IGF2BP2: variants seen among roughly 807,000 people sequenced by gnomAD.
IGF2BP2 encodes the protein insulin like growth factor 2 mRNA binding protein 2.
A neutral mutation model predicts 75.8 loss-of-function variants in IGF2BP2; 17 were observed. The observed-to-expected ratio is 0.22, with a 90% CI of 0.15 to 0.34. The LOEUF is 0.34. IGF2BP2 is among the 10% of genes least tolerant of loss of function. The probability of loss-of-function intolerance (pLI) is 1.00; values close to 1 mark genes in which losing one functional copy is unlikely to be tolerated. For missense variants in IGF2BP2, 516 were observed against 772.4 expected (o/e 0.67, Z 3.93); for synonymous variants, 288 against 295.6 (o/e 0.97, Z 0.26).
chr3:185,779,002 C>G (rs1241220458), intron 2 of IGF2BP2, among the ~76,000 whole-genome samples: 5 of 151,816 alleles, frequency 3.3e-5, no homozygotes, highest in Non-Finnish European at 4.4e-5. Context: ...GTATGCCGCT[C>G]TATGGCATCC....
rs149393159 is a variant in IGF2BP2 at position 185,702,844 on chromosome 3, A to G, written c.240-4497T>C. Among the ~76,000 whole-genome samples the G allele has an allele frequency of 3.3e-4, 50 of 152,290 alleles. 1 individual carries two copies. Among genetic ancestry groups the G allele is most frequent in the African/African-American group, 1.2e-3 (48 of 41,566 alleles). ...TTCAACTCCCTCAGCTCACCCTCAA[A>G]CAGAAGTAAAAAGAGCAGCAGGAAC... On this transcript the variant is annotated intron_variant, in intron 2 of 15. Coordinates refer to ENST00000382199, the MANE Select transcript of IGF2BP2 (RefSeq NM_006548.6).
rs1737666521 is a variant in IGF2BP2, at chr3:185,797,993, G to A, written c.239+25160C>T. 2.6e-5 allele frequency among the ~76,000 whole-genome samples: 4 copies of A among 151,852 alleles called. No individual in the cohort carries two copies. In the South Asian group the frequency reaches 8.4e-4, roughly 32 times the overall value. ...GAGGCAGGTGGATCACCTGAGGTCA[G>A]GAGTTCGAGACCAGCCTGGCCAACA... On this transcript the variant is annotated intron_variant, in intron 2 of 15. Transcript: ENST00000382199.
At chr3:185,750,268 T>G (rs1730793783) in intron 2 of IGF2BP2, among the ~76,000 whole-genome samples, 1 of 152,198 alleles carries the variant, frequency 6.6e-6, no homozygotes, top group Non-Finnish European at 1.5e-5. Context: ...AAAGCCGCAT[T>G]GTGAAAGGAT....
At chr3:185,808,584 C>T (rs1017729206) in intron 2 of IGF2BP2, among the ~76,000 whole-genome samples, 4 of 151,986 alleles carry the variant, frequency 2.6e-5, no homozygotes, top group African/African-American at 4.8e-5. Flanking sequence ...CAGGGTCTCT[C>T]TCTCTCTCTC....
intron 2 of IGF2BP2, among the ~76,000 whole-genome samples, chr3:185,731,906 C>G (rs926636205): frequency 6.6e-6 from 1 of 151,828 alleles, no homozygotes; most frequent in Non-Finnish European, 1.5e-5. Flanking sequence ...GGCGTGAATC[C>G]GGGAGGCAGA....
chr3:185,741,006 A>G (rs1729478361), intron 2 of IGF2BP2, among the ~76,000 whole-genome samples: 1 of 152,166 alleles, frequency 6.6e-6, no homozygotes, highest in Non-Finnish European at 1.5e-5. Context: ...CCTCCTGAGT[A>G]GCTGGGATTA....
At chr3:185,819,277 AAC>A (rs1437621516) in intron 2 of IGF2BP2, among the ~76,000 whole-genome samples, 1 of 152,146 alleles carries the variant, frequency 6.6e-6, no homozygotes, top group Non-Finnish European at 1.5e-5. Flanking sequence ...TTAGCCATTA[AAC>A]AGTTTTATAA....
chr3:185,686,663 ACACT>A (rs1490883646), intron 7 of IGF2BP2, among the ~76,000 whole-genome samples: 2 of 152,110 alleles, frequency 1.3e-5, no homozygotes, highest in Non-Finnish European at 2.9e-5. Flanking sequence ...AAAAAATAAA[ACACT>A]CAGTTCTTCC....
At chr3:185,809,970 T>C (rs1739580491) in intron 2 of IGF2BP2, among the ~76,000 whole-genome samples, 1 of 152,224 alleles carries the variant, frequency 6.6e-6, no homozygotes, top group Non-Finnish European at 1.5e-5. Flanking sequence ...TAGAGTTGGC[T>C]ATTTTTGCAG....
chr3:185,714,572 T>C (rs912963683), intron 2 of IGF2BP2, among the ~76,000 whole-genome samples: 1 of 152,220 alleles, frequency 6.6e-6, no homozygotes, highest in Non-Finnish European at 1.5e-5. Flanking sequence ...TATCAAACTT[T>C]TGATTTCTGC....
At chr3:185,760,348 T>C (rs894995950) in intron 2 of IGF2BP2, among the ~76,000 whole-genome samples, 1 of 152,190 alleles carries the variant, frequency 6.6e-6, no homozygotes, top group African/African-American at 2.4e-5. Context: ...TATGTTACTC[T>C]CTTTTGTAAT....
intron 2 of IGF2BP2, among the ~76,000 whole-genome samples, chr3:185,734,517 T>G (rs1728603210): frequency 6.6e-6 from 1 of 152,214 alleles, no homozygotes; most frequent in Non-Finnish European, 1.5e-5. Context: ...ACTGGGCAGA[T>G]GAGAAACTGC....
Position 185,644,103 on chromosome 3 carries a change from G to C in IGF2BP2, c.*1428C>G, listed in dbSNP as rs1170341628. On this transcript the variant is annotated 3_prime_UTR_variant, in exon 16 of 16. Coordinates refer to ENST00000382199, the MANE Select transcript of IGF2BP2 (RefSeq NM_006548.6). The stretch of plus-strand genomic sequence containing the variant: ...TGTCACCTTCTCCAGGCTGGCAGTT[G>C]ATATCTTATTTTTTTTCCAACTCAT... 1 of 151,862 alleles carries C rather than the reference G, an allele frequency of 6.6e-6. No individual in the cohort carries two copies. The highest frequency in any genetic ancestry group is 1.5e-5 in the Non-Finnish European group (1 of 67,920). The allele number at this position is 151,862 out of a possible 1,614,324, so 9.4% of individuals were successfully genotyped here.
chr3:185,681,366 A>C (rs753193332), intron 7 of IGF2BP2, among the ~76,000 whole-genome samples: 5 of 152,234 alleles, frequency 3.3e-5, no homozygotes, highest in Non-Finnish European at 7.3e-5. Flanking sequence ...ATACTTAAGA[A>C]TAAACCTAAC....
intron 2 of IGF2BP2, among the ~76,000 whole-genome samples, chr3:185,743,821 A>G (rs1442798777): frequency 1.3e-5 from 2 of 152,244 alleles, no homozygotes. Context: ...GGTGAAATCA[A>G]CGAATTAACA....
intron 2 of IGF2BP2, among the ~76,000 whole-genome samples, chr3:185,776,622 G>C (rs2149782494): frequency 6.6e-6 from 1 of 152,254 alleles, no homozygotes; most frequent in East Asian, 1.9e-4. Context: ...GTGAATCCAG[G>C]GTGAGGGCGG....
intron 10 of IGF2BP2, 111 bp from the exon 11 acceptor site, chr3:185,658,520 C>CG: frequency 1.2e-6 from 1 of 862,558 alleles, no homozygotes; most frequent in Admixed American, 2.2e-5. Context: ...CATCAGCTGG[C>CG]TCCACTGTCG....
At chr3:185,798,690 C>T (rs371530121) in intron 2 of IGF2BP2, among the ~76,000 whole-genome samples, 7 of 151,974 alleles carry the variant, frequency 4.6e-5, no homozygotes, top group South Asian at 2.1e-4. Flanking sequence ...CCTGCTTTTA[C>T]GAGGGAGTTT....
intron 2 of IGF2BP2, among the ~76,000 whole-genome samples, chr3:185,736,316 A>G (rs1297383424): frequency 2.0e-5 from 3 of 151,018 alleles, no homozygotes; most frequent in Admixed American, 6.6e-5. Context: ...CAAACACCAC[A>G]CTCCTCCTTT....
Sources: gnomAD v4.1 joint callset for allele counts (sites outside exome capture counted in the v4.1 genomes callset) on GRCh38, gnomAD v4.1.1 for gene constraint, MANE v1.5 for transcripts, NCBI Gene and HGNC (gene_info 2026-07-23, HGNC 2026-07-21) for gene names.